Variants in STARD13 observed in about 807,000 individuals in gnomAD.
STARD13 encodes StAR related lipid transfer domain containing 13.
In STARD13, 62 loss-of-function variants were observed where a neutral mutation model predicts 106.4. The ratio of observed to expected loss-of-function variants is 0.58; its 90% CI spans 0.48 to 0.72. The LOEUF (loss-of-function observed/expected upper bound fraction) is 0.72. Ranked by LOEUF, STARD13 falls within the 30% of genes least tolerant of loss-of-function variation. The pLI is 0.00. For synonymous variants in STARD13, 565 were observed against 553.0 expected (o/e 1.02, Z -0.31); for missense variants, 1,387 against 1,424.0 (o/e 0.97, Z 0.42).
At chr13:33,483,484 G>A in the STARD13 span, among the ~76,000 whole-genome samples, 5 of 152,022 alleles carry the variant, frequency 3.3e-5, no homozygotes, top group Admixed American at 2.0e-4. Context: ...TTGAATACAC[G>A]TAGAAATTGA....
chr13:33,110,939 A>C (rs765126173), intron 10 of STARD13, 32 bp from the exon 11 acceptor site: 1 of 1,582,250 alleles, frequency 6.3e-7, no homozygotes, highest in African/African-American at 1.3e-5. Context: ...AGGGCAACAC[A>C]CTGAGCCAAA....
the STARD13 span, among the ~76,000 whole-genome samples, chr13:33,391,031 A>T: frequency 2.0e-5 from 3 of 152,136 alleles, no homozygotes; most frequent in Non-Finnish European, 4.4e-5. Context: ...CACAGAAAGG[A>T]TTTTCCCTTC....
chr13:33,435,467 C>T, the STARD13 span, among the ~76,000 whole-genome samples: 3 of 152,256 alleles, frequency 2.0e-5, no homozygotes, highest in East Asian at 1.9e-4. Flanking sequence ...GAGATTCCCA[C>T]TAATTAAAAT....
chr13:33,325,800 C>G (rs1210705791), intron 1 of STARD13, among the ~76,000 whole-genome samples: 1 of 151,912 alleles, frequency 6.6e-6, no homozygotes, highest in East Asian at 1.9e-4. Flanking sequence ...CGAGACCATC[C>G]TGGCTAACAT....
chr13:33,617,566 A>C, the STARD13 span, among the ~76,000 whole-genome samples: 1 of 152,318 alleles, frequency 6.6e-6, no homozygotes, highest in South Asian at 2.1e-4. Context: ...AATTAGGTTC[A>C]GCTCACCCAT....
the STARD13 span, among the ~76,000 whole-genome samples, chr13:33,450,320 CT>C: frequency 2.6e-5 from 4 of 152,114 alleles, no homozygotes; most frequent in Admixed American, 2.0e-4. Context: ...TCAAATACTT[CT>C]ATTGAGATAG....
chr13:33,629,222 C>T, the STARD13 span, among the ~76,000 whole-genome samples: 15 of 152,326 alleles, frequency 9.8e-5, no homozygotes, highest in Admixed American at 8.5e-4. Context: ...CCTGATTTCA[C>T]TTTTAACTAT....
the STARD13 span, among the ~76,000 whole-genome samples, chr13:33,664,110 C>T: frequency 2.0e-5 from 3 of 152,156 alleles, no homozygotes; most frequent in Non-Finnish European, 2.9e-5. Context: ...CAAGTAACCA[C>T]GAATCCTTTC....
At chr13:33,358,546 C>T in the STARD13 span, among the ~76,000 whole-genome samples, 6 of 152,088 alleles carry the variant, frequency 3.9e-5, no homozygotes, top group Non-Finnish European at 8.8e-5. Context: ...GTGCACCAAT[C>T]GACACTCTGT....
intron 6 of STARD13, among the ~76,000 whole-genome samples, 163 bp from the exon 7 acceptor site, chr13:33,126,403 C>G (rs1472772959): frequency 2.0e-5 from 3 of 152,196 alleles, no homozygotes; most frequent in Non-Finnish European, 4.4e-5. Context: ...CTGCTGTGCT[C>G]TGTGTGGCCC....
intron 1 of STARD13, among the ~76,000 whole-genome samples, chr13:33,329,655 A>ATGTGTG (rs34427794): frequency 1.2e-4 from 18 of 144,310 alleles, no homozygotes; most frequent in African/African-American, 4.1e-4. Flanking sequence ...GTGTGTGTGT[A>ATGTGTG]TGTGTGTGTG....
the STARD13 span, among the ~76,000 whole-genome samples, chr13:33,553,463 A>AT: frequency 6.6e-6 from 1 of 152,032 alleles, no homozygotes; most frequent in Admixed American, 6.6e-5. Context: ...CAAAACAAAA[A>AT]TAACTTTTCA....
chr13:33,561,052 TG>T, the STARD13 span, among the ~76,000 whole-genome samples: 1 of 151,620 alleles, frequency 6.6e-6, no homozygotes, highest in African/African-American at 2.4e-5. Context: ...AGTAAAAATG[TG>T]TAAGAATCTT....
the STARD13 span, among the ~76,000 whole-genome samples, chr13:33,535,025 G>T: frequency 6.6e-6 from 1 of 152,092 alleles, no homozygotes; most frequent in Non-Finnish European, 1.5e-5. Flanking sequence ...AGAACAGCCT[G>T]GCCAACATGG....
chr13:33,439,238 C>T, the STARD13 span, among the ~76,000 whole-genome samples: 1 of 152,158 alleles, frequency 6.6e-6, no homozygotes, highest in Non-Finnish European at 1.5e-5. Context: ...AATAAAGCTG[C>T]CAAGTATTCA....
the STARD13 span, among the ~76,000 whole-genome samples, chr13:33,522,537 T>C: frequency 6.6e-6 from 1 of 152,212 alleles, no homozygotes; most frequent in Non-Finnish European, 1.5e-5. Context: ...ATGTTCTGCC[T>C]ATTTATCCTT....
intron 1 of STARD13, among the ~76,000 whole-genome samples, chr13:33,201,252 G>T (rs965237248): frequency 6.6e-5 from 10 of 152,028 alleles, no homozygotes; most frequent in Non-Finnish European, 1.0e-4. Flanking sequence ...ATTATTCCAA[G>T]AATTGGAAAC....
chr13:33,545,434 G>A, the STARD13 span, among the ~76,000 whole-genome samples: 1 of 152,178 alleles, frequency 6.6e-6, no homozygotes, highest in Non-Finnish European at 1.5e-5. Flanking sequence ...AAACTTTATT[G>A]TAATAAATTC....
the STARD13 span, among the ~76,000 whole-genome samples, chr13:33,623,427 G>T: frequency 0.35 from 17,430 of 49,354 alleles, 2,824 homozygotes; most frequent in African/African-American, 0.56. Flanking sequence ...CCTCAATAAA[G>T]TAAAAAAAAA....
Sources: allele counts gnomAD v4.1 joint callset (sites outside exome capture counted in the v4.1 genomes callset), GRCh38; gene constraint gnomAD v4.1.1; transcripts MANE v1.5; gene names NCBI Gene and HGNC (gene_info 2026-07-23, HGNC 2026-07-21).